ASIC2: variants seen among roughly 807,000 people sequenced by gnomAD.
The protein encoded by ASIC2 is acid sensing ion channel subunit 2, also known as acid-sensing ion channel 2.
Under a neutral mutation model 57.3 loss-of-function variants are expected in ASIC2, and 25 were observed. The ratio of observed to expected loss-of-function variants is 0.44; its 90% confidence interval spans 0.32 to 0.61. The LOEUF is 0.61. ASIC2 is among the 20% of genes least tolerant of loss of function. The pLI is 0.06. For synonymous variants in ASIC2, 319 were observed against 307.5 expected, an observed-to-expected ratio of 1.04 and a Z score of -0.39; for missense variants, 641 against 738.1, an observed-to-expected ratio of 0.87 and a Z score of 1.52.
At chr17:33,230,781 G>C (rs1235938888) in intron 1 of ASIC2, among the ~76,000 whole-genome samples, 2 of 152,174 alleles carry the variant, frequency 1.3e-5, no homozygotes, top group Non-Finnish European at 2.9e-5. Flanking sequence ...AGATGAGGTG[G>C]CAGGGCCTTC....
At chr17:33,669,621 C>T (rs117476758) in intron 1 of ASIC2, among the ~76,000 whole-genome samples, 2,075 of 152,270 alleles carry the variant, frequency 0.014, 25 homozygotes, top group Middle Eastern at 0.041. Context: ...CCCCCTGCCC[C>T]CAAATATAGA....
intron 2 of ASIC2, among the ~76,000 whole-genome samples, chr17:33,100,710 A>G (rs1478748690): frequency 4.6e-5 from 7 of 152,168 alleles, no homozygotes; most frequent in Non-Finnish European, 8.8e-5. Context: ...GAAAACCTGG[A>G]CTGGGCCCTT....
At chr17:33,403,341 TCTC>T (rs1910349738) in intron 1 of ASIC2, among the ~76,000 whole-genome samples, 2 of 152,204 alleles carry the variant, frequency 1.3e-5, no homozygotes, top group Admixed American at 1.3e-4. Flanking sequence ...CCTTCTGCCT[TCTC>T]CTCAGTCAGA....
At chr17:33,056,453 C>G (rs755165773) in intron 3 of ASIC2, among the ~76,000 whole-genome samples, 14 of 152,158 alleles carry the variant, frequency 9.2e-5, no homozygotes, top group East Asian at 3.8e-4. Flanking sequence ...CAGCCACCCC[C>G]CTCCCTGGCC....
At chr17:33,215,823 G>C (rs966771869) in intron 1 of ASIC2, among the ~76,000 whole-genome samples, 1 of 151,342 alleles carries the variant, frequency 6.6e-6, no homozygotes, top group Admixed American at 6.6e-5. Context: ...CCTCAGCCTC[G>C]CGAGTAGCTG....
chr17:33,476,270 C>A (rs1282197119), intron 1 of ASIC2, among the ~76,000 whole-genome samples: 1 of 152,084 alleles, frequency 6.6e-6, no homozygotes, highest in Admixed American at 6.5e-5. Context: ...CTCCACCATC[C>A]CATTTATAAT....
At chr17:33,719,530 T>G (rs1358955325) in intron 1 of ASIC2, among the ~76,000 whole-genome samples, 1 of 152,222 alleles carries the variant, frequency 6.6e-6, no homozygotes, top group Non-Finnish European at 1.5e-5. Flanking sequence ...TTTGTTGGAA[T>G]AAGATGTTTT....
chr17:33,382,530 A>G (rs971316414), intron 1 of ASIC2, among the ~76,000 whole-genome samples: 1 of 152,170 alleles, frequency 6.6e-6, no homozygotes, highest in Non-Finnish European at 1.5e-5. Context: ...GCCCCATACT[A>G]TGTGAAGTCA....
At chr17:33,019,551 C>T (rs774661683) in intron 7 of ASIC2, among the ~76,000 whole-genome samples, 11 of 151,816 alleles carry the variant, frequency 7.2e-5, no homozygotes, top group Non-Finnish European at 1.5e-4. Context: ...GTGTGTGTAG[C>T]GTGCACGTGC....
At chr17:33,804,898 T>A (rs890355162) in intron 1 of ASIC2, among the ~76,000 whole-genome samples, 9 of 151,310 alleles carry the variant, frequency 5.9e-5, no homozygotes, top group Admixed American at 1.3e-4. Flanking sequence ...TTTTTTTTTT[T>A]AATTAACTCA....
At chr17:34,052,808 G>T (rs927976082) in intron 1 of ASIC2, among the ~76,000 whole-genome samples, 31 of 151,706 alleles carry the variant, frequency 2.0e-4, no homozygotes, top group African/African-American at 7.3e-4. Context: ...TAGTAGAGAT[G>T]GGATTTCACT....
rs71144902 is a variant in ASIC2 at position 33,846,726 on chromosome 17, C to CTT, written c.555+309250_555+309251dup. 3.2e-3 allele frequency among the ~76,000 whole-genome samples: 454 copies of CTT among 143,638 alleles called. 2 individuals carry two copies. The highest frequency in any genetic ancestry group is 0.011 in the African/African-American group (432 of 39,392). 94.2% of individuals were successfully genotyped at this position (143,638 alleles called of 152,430 possible). On this transcript the variant is annotated intron_variant, in intron 1 of 9. Coordinates refer to the ASIC2 transcript ENST00000359872. ...GAGCAGCTAAGATTCTCAGTGATAA[C>CTT]TTTTTTTTTTTTTTTTGAGACGGAG...
intron 1 of ASIC2, among the ~76,000 whole-genome samples, chr17:33,891,756 T>A (rs1302517501): frequency 6.6e-6 from 1 of 152,210 alleles, no homozygotes; most frequent in African/African-American, 2.4e-5. Flanking sequence ...TTTTAAAGTT[T>A]ATTTATTTAT....
chr17:33,928,114 T>G (rs78182916), intron 1 of ASIC2, among the ~76,000 whole-genome samples: 2 of 151,882 alleles, frequency 1.3e-5, no homozygotes, highest in Non-Finnish European at 2.9e-5. Flanking sequence ...AGCTTTTTGG[T>G]TTTTTTCCCC....
At chr17:33,447,365 G>T (rs1912066366) in intron 1 of ASIC2, among the ~76,000 whole-genome samples, 1 of 152,176 alleles carries the variant, frequency 6.6e-6, no homozygotes. Flanking sequence ...GAAGCCAAGG[G>T]GGCCTGTCAA....
In ASIC2 at chr17:34,120,325, G is replaced by A. The variant is rs528127297; in HGVS notation, c.555+35653C>T. Among the ~76,000 whole-genome samples the A allele has an allele frequency of 3.5e-4, 54 of 152,186 alleles. 1 individual carries two copies. The highest frequency in any genetic ancestry group is 3.4e-3 in the Admixed American group (52 of 15,262). On this transcript the variant is annotated intron_variant, in intron 1 of 9. Transcript: ENST00000359872. ...TGAACTCCTCAGCCATCCCACCTCT[G>A]CCTCTCTCTGGTGCCCACTGCTCCT...
chr17:34,143,881 T>C (rs1250391866), intron 1 of ASIC2, among the ~76,000 whole-genome samples: 1 of 152,186 alleles, frequency 6.6e-6, no homozygotes, highest in Admixed American at 6.5e-5. Flanking sequence ...TGCAGAACCA[T>C]AAGTTAACTA....
At chr17:33,346,870 C>T (rs965579888) in intron 1 of ASIC2, among the ~76,000 whole-genome samples, 1 of 152,068 alleles carries the variant, frequency 6.6e-6, no homozygotes, top group Non-Finnish European at 1.5e-5. Context: ...GGGATGAGAC[C>T]TGAAAGTCAC....
chr17:33,768,725 C>T (rs1279582311), intron 1 of ASIC2, among the ~76,000 whole-genome samples: 5 of 152,118 alleles, frequency 3.3e-5, no homozygotes, highest in Non-Finnish European at 7.4e-5. Context: ...ATAATGCCTT[C>T]GAACCAATTG....
Sources: allele counts gnomAD v4.1 joint callset (sites outside exome capture counted in the v4.1 genomes callset), GRCh38; gene constraint gnomAD v4.1.1; transcripts MANE v1.5; gene names NCBI Gene and HGNC (gene_info 2026-07-23, HGNC 2026-07-21).